The following CTNNA3 variants were observed in gnomAD, a reference collection of about 807,000 sequenced individuals.
CTNNA3 encodes the protein catenin alpha-3.
Under a neutral mutation model 95.7 loss-of-function variants are expected in CTNNA3, and 76 were observed. The ratio of observed to expected loss-of-function variants is 0.79; its 90% confidence interval spans 0.66 to 0.96. The LOEUF (loss-of-function observed/expected upper bound fraction) is 0.96. Among genes scored for constraint, CTNNA3 ranks in the 40% least tolerant of loss-of-function variants. The pLI is 0.00. For synonymous variants in CTNNA3, 431 were observed against 374.4 expected, an observed-to-expected ratio of 1.15 and a Z score of -1.74; for missense variants, 1,191 against 1,089.8, an observed-to-expected ratio of 1.09 and a Z score of -1.31.
intron 11 of CTNNA3, among the ~76,000 whole-genome samples, chr10:66,457,854 C>T (rs2093504997): frequency 6.6e-6 from 1 of 152,034 alleles, no homozygotes; most frequent in Non-Finnish European, 1.5e-5. Context: ...TGCAGTTGTG[C>T]CCAAATAACA....
rs141613136 is a variant in CTNNA3 at position 67,512,904 on chromosome 10, G to A, written c.579+8938C>T. On this transcript the variant is annotated intron_variant, in intron 5 of 17. Transcript: ENST00000433211. ...GGAAGCGGAGGCAGAAGAATTGCCTGAACCTGGGAGGCAGAGATTGCAGTG... is the reference window on the plus strand; with the variant it reads ...GGAAGCGGAGGCAGAAGAATTGCCTAAACCTGGGAGGCAGAGATTGCAGTG... 1.7e-3 allele frequency among the ~76,000 whole-genome samples: 252 copies of A among 152,260 alleles called. 1 individual carries two copies. The highest frequency in any genetic ancestry group is 5.7e-3 in the African/African-American group (235 of 41,546).
chr10:67,273,178 G>T (rs1369044428), intron 5 of CTNNA3, among the ~76,000 whole-genome samples: 2 of 151,974 alleles, frequency 1.3e-5, no homozygotes, highest in East Asian at 3.9e-4. Context: ...ATTTCCCAAG[G>T]TTTTTGTGAG....
At chr10:66,902,128 G>A (rs1845775634) in intron 7 of CTNNA3, among the ~76,000 whole-genome samples, 1 of 152,092 alleles carries the variant, frequency 6.6e-6, no homozygotes, top group African/African-American at 2.4e-5. Context: ...CACATGATTG[G>A]AAGTAAAACA....
intron 16 of CTNNA3, among the ~76,000 whole-genome samples, chr10:65,970,330 G>T (rs537692665): frequency 6.6e-6 from 1 of 152,092 alleles, no homozygotes; most frequent in African/African-American, 2.4e-5. Context: ...AAAAACACAA[G>T]TACAGAGCCC....
chr10:67,226,289 G>A (rs1864910125), intron 5 of CTNNA3, among the ~76,000 whole-genome samples: 1 of 152,158 alleles, frequency 6.6e-6, no homozygotes, highest in South Asian at 2.1e-4. Flanking sequence ...TAAAACCTTG[G>A]AAAACATATT....
intron 13 of CTNNA3, among the ~76,000 whole-genome samples, chr10:66,254,637 T>C (rs7097811): frequency 0.07 from 10,624 of 152,274 alleles, 680 homozygotes; most frequent in African/African-American, 0.17. Context: ...GTCAACCACT[T>C]TCTGATGCTG....
chr10:67,291,809 G>A (rs1471822976), intron 5 of CTNNA3, among the ~76,000 whole-genome samples: 1 of 152,160 alleles, frequency 6.6e-6, no homozygotes, highest in African/African-American at 2.4e-5. Context: ...GAGACCAAGG[G>A]AAAACTCCTT....
At chr10:66,331,583 G>T (rs907661278) in intron 12 of CTNNA3, among the ~76,000 whole-genome samples, 2 of 151,604 alleles carry the variant, frequency 1.3e-5, no homozygotes, top group Non-Finnish European at 2.9e-5. Flanking sequence ...GCTTGTTTTT[G>T]TCAGGTTTGT....
chr10:65,931,964 A>T (rs1198772813), intron 17 of CTNNA3, among the ~76,000 whole-genome samples: 1 of 152,212 alleles, frequency 6.6e-6, no homozygotes, highest in Non-Finnish European at 1.5e-5. Flanking sequence ...GCAAGAAGCC[A>T]TGTGTGGTTT....
At chr10:67,506,786 T>C (rs1012325557) in intron 5 of CTNNA3, among the ~76,000 whole-genome samples, 1 of 152,186 alleles carries the variant, frequency 6.6e-6, no homozygotes, top group Non-Finnish European at 1.5e-5. Context: ...TACAAAAATT[T>C]AATATGAGTG....
At chr10:66,315,149 A>G (rs2092083694) in intron 12 of CTNNA3, among the ~76,000 whole-genome samples, 1 of 151,982 alleles carries the variant, frequency 6.6e-6, no homozygotes, top group Non-Finnish European at 1.5e-5. Flanking sequence ...TTTCTCTACT[A>G]GAAGTAAGTA....
intron 12 of CTNNA3, among the ~76,000 whole-genome samples, chr10:66,302,461 A>T (rs1564851142): frequency 6.6e-6 from 1 of 152,108 alleles, no homozygotes; most frequent in Non-Finnish European, 1.5e-5. Context: ...GTGTTTGTAA[A>T]AGAATATACA....
intron 11 of CTNNA3, among the ~76,000 whole-genome samples, chr10:66,485,827 T>C (rs1839707178): frequency 6.6e-6 from 1 of 152,164 alleles, no homozygotes; most frequent in South Asian, 2.1e-4. Context: ...CATCACACTA[T>C]CTGACTTCAA....
chr10:66,118,457 A>G (rs2082433061), intron 13 of CTNNA3: 2 of 152,194 alleles, frequency 1.3e-5, no homozygotes, highest in South Asian at 4.1e-4. Flanking sequence ...TATTCTTAAA[A>G]TCAATCATTC....
intron 13 of CTNNA3, among the ~76,000 whole-genome samples, chr10:66,199,265 T>C (rs960796553): frequency 2.0e-5 from 3 of 152,168 alleles, no homozygotes; most frequent in Non-Finnish European, 4.4e-5. Flanking sequence ...TTTCAAAGAT[T>C]GACTGTATTA....
chr10:66,581,631 G>C (rs988530553), intron 10 of CTNNA3, among the ~76,000 whole-genome samples: 11 of 151,618 alleles, frequency 7.3e-5, no homozygotes, highest in African/African-American at 2.7e-4. Context: ...TTATTTTGCT[G>C]TGAAGAAGCT....
intron 13 of CTNNA3, among the ~76,000 whole-genome samples, chr10:66,243,301 G>A (rs1053254921): frequency 1.3e-5 from 2 of 152,306 alleles, no homozygotes; most frequent in East Asian, 3.9e-4. Flanking sequence ...ATTCTGTAGA[G>A]AATTCTCTTC....
At chr10:66,898,790 G>A (rs1845605508) in intron 7 of CTNNA3, among the ~76,000 whole-genome samples, 1 of 152,128 alleles carries the variant, frequency 6.6e-6, no homozygotes, top group Non-Finnish European at 1.5e-5. Context: ...ATGACACTGA[G>A]CTTGGCAATG....
chr10:67,125,207 A>C (rs1859663237), intron 7 of CTNNA3, among the ~76,000 whole-genome samples: 1 of 152,178 alleles, frequency 6.6e-6, no homozygotes, highest in Non-Finnish European at 1.5e-5. Flanking sequence ...GGAAACCAAA[A>C]CAACCACAGT....
Sources: gnomAD v4.1 joint callset for allele counts (sites outside exome capture counted in the v4.1 genomes callset) on GRCh38, gnomAD v4.1.1 for gene constraint, MANE v1.5 for transcripts, NCBI Gene and HGNC (gene_info 2026-07-23, HGNC 2026-07-21) for gene names.